DAB1: variants seen among roughly 807,000 people sequenced by gnomAD.
DAB1 encodes DAB adaptor protein 1, also known as disabled homolog 1.
A neutral mutation model predicts 64.6 loss-of-function variants in DAB1; 15 were observed. The ratio of observed to expected loss-of-function variants is 0.23; its 90% CI spans 0.16 to 0.36. The LOEUF (loss-of-function observed/expected upper bound fraction) is 0.36, where lower values mean the gene tolerates loss of function less well. Ranked by LOEUF, DAB1 falls within the 10% of genes least tolerant of loss-of-function variation. The pLI is 1.00. For synonymous variants in DAB1, 235 were observed against 251.9 expected, an observed-to-expected ratio of 0.93 and a Z score of 0.64; for missense variants, 596 against 706.7, an observed-to-expected ratio of 0.84 and a Z score of 1.78.
At chr1:58,407,668 C>A (rs144405386) in intron 3 of DAB1, among the ~76,000 whole-genome samples, 1 of 152,290 alleles carries the variant, frequency 6.6e-6, no homozygotes, top group Non-Finnish European at 1.5e-5. Context: ...CTACACTCCA[C>A]GTCCAGGCAG....
At chr1:57,809,592 T>A (rs1651521046) in intron 6 of DAB1, among the ~76,000 whole-genome samples, 1 of 152,188 alleles carries the variant, frequency 6.6e-6, no homozygotes, top group Admixed American at 6.5e-5. Context: ...GAGAAACCTG[T>A]CATTTAAACT....
At chr1:57,057,676 C>T (rs1266884027) in intron 9 of DAB1, among the ~76,000 whole-genome samples, 9 of 149,484 alleles carry the variant, frequency 6.0e-5, no homozygotes, top group African/African-American at 1.5e-4. Context: ...GGCATGATCT[C>T]GGCTCACTGC....
chr1:57,811,243 G>T (rs890336664), intron 6 of DAB1, among the ~76,000 whole-genome samples: 1 of 152,204 alleles, frequency 6.6e-6, no homozygotes, highest in Admixed American at 6.5e-5. Flanking sequence ...ACGTCAAATT[G>T]TAATCCCCAA....
At chr1:58,119,714 G>C (rs546865010) in intron 5 of DAB1, among the ~76,000 whole-genome samples, 1 of 152,156 alleles carries the variant, frequency 6.6e-6, no homozygotes, top group African/African-American at 2.4e-5. Flanking sequence ...GGAGCAGAGA[G>C]GCCTGAAAAT....
At chr1:57,800,743 A>G (rs1651086047) in intron 6 of DAB1, among the ~76,000 whole-genome samples, 1 of 152,164 alleles carries the variant, frequency 6.6e-6, no homozygotes, top group Non-Finnish European at 1.5e-5. Context: ...CCCTTTCATC[A>G]GTTCCAGTGA....
chr1:57,190,572 G>A (rs191179387), intron 2 of DAB1, among the ~76,000 whole-genome samples: 3 of 152,268 alleles, frequency 2.0e-5, no homozygotes, highest in Admixed American at 2.0e-4. Flanking sequence ...AAGATCTGCT[G>A]TCTCCAGAGT....
chr1:58,159,949 C>G (rs532182969), intron 4 of DAB1, among the ~76,000 whole-genome samples: 1 of 152,202 alleles, frequency 6.6e-6, no homozygotes, highest in Admixed American at 6.5e-5. Flanking sequence ...CTTCTATCTA[C>G]TAGAGACAAA....
intron 2 of DAB1, among the ~76,000 whole-genome samples, chr1:57,228,873 A>G (rs932927058): frequency 2.0e-5 from 3 of 152,248 alleles, no homozygotes; most frequent in African/African-American, 7.2e-5. Flanking sequence ...TTCATTTAAT[A>G]GAATTCTATA....
intron 1 of DAB1, among the ~76,000 whole-genome samples, chr1:57,849,306 A>C (rs1557515437): frequency 6.6e-6 from 1 of 152,182 alleles, no homozygotes; most frequent in Non-Finnish European, 1.5e-5. Context: ...CTTGGCCTCT[A>C]TCTCTGCCTG....
chr1:58,331,418 A>T (rs1026589799), intron 4 of DAB1, among the ~76,000 whole-genome samples: 4 of 152,266 alleles, frequency 2.6e-5, no homozygotes, highest in African/African-American at 7.2e-5. Flanking sequence ...TTTAGTAGAT[A>T]AAGCAGGAAC....
intron 2 of DAB1, among the ~76,000 whole-genome samples, chr1:57,174,157 C>G (rs1662059933): frequency 6.6e-6 from 1 of 152,150 alleles, no homozygotes; most frequent in Non-Finnish European, 1.5e-5. Flanking sequence ...GAACTTCTTG[C>G]CCCACAATTC....
chr1:57,650,491 A>C (rs1646243891), intron 6 of DAB1, among the ~76,000 whole-genome samples: 1 of 152,252 alleles, frequency 6.6e-6, no homozygotes, highest in Non-Finnish European at 1.5e-5. Context: ...TCTGCATAGA[A>C]GAATAATATG....
chr1:57,937,521 G>C (rs1202389645), intron 5 of DAB1, among the ~76,000 whole-genome samples: 1 of 152,132 alleles, frequency 6.6e-6, no homozygotes, highest in African/African-American at 2.4e-5. Context: ...GGCAAGTGGG[G>C]ATACCAATAA....
chr1:57,489,311 C>T (rs1331578831), intron 7 of DAB1, among the ~76,000 whole-genome samples: 1 of 152,126 alleles, frequency 6.6e-6, no homozygotes, highest in Non-Finnish European at 1.5e-5. Context: ...AACAGTTGGC[C>T]CCTAAAGAAA....
At chr1:57,139,213 G>A (rs769155559) in intron 3 of DAB1, among the ~76,000 whole-genome samples, 4 of 152,106 alleles carry the variant, frequency 2.6e-5, no homozygotes, top group Admixed American at 6.6e-5. Flanking sequence ...AGTGATAAGG[G>A]TAGAACACTC....
intron 7 of DAB1, among the ~76,000 whole-genome samples, chr1:57,544,896 C>G (rs1644839829): frequency 6.6e-6 from 1 of 152,240 alleles, no homozygotes. Context: ...CCATGCGGAA[C>G]TGTGAGTCAA....
intron 4 of DAB1, among the ~76,000 whole-genome samples, chr1:57,080,359 C>T (rs1052044187): frequency 6.6e-6 from 1 of 152,300 alleles, no homozygotes; most frequent in African/African-American, 2.4e-5. Context: ...ACTCCCTATC[C>T]GTTTTCCTCT....
intron 8 of DAB1, 21 bp downstream of exon 8, chr1:57,069,339 G>C (rs1393038539): frequency 6.2e-7 from 1 of 1,601,816 alleles, no homozygotes; most frequent in Non-Finnish European, 8.6e-7. Context: ...GCAATGGTAA[G>C]AGAGGCAAGC....
At chr1:58,544,528 T>C (rs1291846741) in intron 1 of DAB1, among the ~76,000 whole-genome samples, 1 of 152,246 alleles carries the variant, frequency 6.6e-6, no homozygotes, top group Non-Finnish European at 1.5e-5. Flanking sequence ...CAGTTCAAAT[T>C]TCTACGGGAT....
Sources: gnomAD v4.1 joint callset for allele counts (sites outside exome capture counted in the v4.1 genomes callset) on GRCh38, gnomAD v4.1.1 for gene constraint, MANE v1.5 for transcripts, NCBI Gene and HGNC (gene_info 2026-07-23, HGNC 2026-07-21) for gene names.